Variants in SKAP1 observed in about 807,000 individuals in gnomAD.
SKAP1 encodes the protein src kinase-associated phosphoprotein 1.
SKAP1 carries 44 observed loss-of-function variants against 58.5 expected under a neutral mutation model. The observed-to-expected ratio is 0.75, with a 90% CI of 0.59 to 0.97. SKAP1 has a LOEUF of 0.97. Among genes scored for constraint, SKAP1 ranks in the 50% least tolerant of loss-of-function variants. SKAP1 has a pLI of 0.00. For synonymous variants in SKAP1, 127 were observed against 149.7 expected, an observed-to-expected ratio of 0.85 and a Z score of 1.11; for missense variants, 390 against 435.2, an observed-to-expected ratio of 0.90 and a Z score of 0.92.
At chr17:48,247,466 C>T (rs2065309430) in intron 4 of SKAP1, among the ~76,000 whole-genome samples, 1 of 152,158 alleles carries the variant, frequency 6.6e-6, no homozygotes, top group South Asian at 2.1e-4. Context: ...TTGTTTCCTT[C>T]TATCCAATAC....
chr17:48,245,320 C>A (rs2065284157), intron 4 of SKAP1, among the ~76,000 whole-genome samples: 1 of 152,070 alleles, frequency 6.6e-6, no homozygotes, highest in African/African-American at 2.4e-5. Context: ...GTAAAAGCAT[C>A]ATTTTAAGGA....
At chr17:48,413,617 C>T (rs987676710) in intron 1 of SKAP1, among the ~76,000 whole-genome samples, 1 of 149,936 alleles carries the variant, frequency 6.7e-6, no homozygotes, top group Non-Finnish European at 1.5e-5. Flanking sequence ...CCTCAGAACA[C>T]ACTACTCACC....
At chr17:48,183,012 C>G (rs916756664) in intron 7 of SKAP1, among the ~76,000 whole-genome samples, 13 of 152,102 alleles carry the variant, frequency 8.5e-5, no homozygotes, top group African/African-American at 2.9e-4. Context: ...TACGGGGAAG[C>G]CTGGCAGATC....
intron 10 of SKAP1, among the ~76,000 whole-genome samples, chr17:48,164,599 A>G (rs954038327): frequency 1.3e-5 from 2 of 152,254 alleles, no homozygotes; most frequent in Non-Finnish European, 2.9e-5. Context: ...AGAAGCTAGG[A>G]GAAAAACAGA....
chr17:48,378,521 G>C (rs182705060), intron 2 of SKAP1, among the ~76,000 whole-genome samples: 139 of 152,154 alleles, frequency 9.1e-4, no homozygotes, highest in African/African-American at 3.3e-3. Flanking sequence ...TCATTCTCCT[G>C]CTTGAAATCC....
At position 48,409,009 on chromosome 17, in the gene SKAP1, A is replaced by G. The variant is rs1025576447; in HGVS notation, c.47-12224T>C. ...TGATGGGTTTTCCACTAAGTGACCA[A>G]CCTTTTTAAAATAAAATCTTTCCTA... On this transcript the variant is annotated intron_variant, in intron 1 of 12. Transcript: ENST00000336915. 7.4e-4 allele frequency among the ~76,000 whole-genome samples: 112 copies of G among 152,154 alleles called. 5 individuals carry two copies. The highest frequency in any genetic ancestry group is 7.3e-3 in the Admixed American group (112 of 15,274).
chr17:48,299,036 T>C (rs928874109), intron 4 of SKAP1, among the ~76,000 whole-genome samples: 4 of 152,218 alleles, frequency 2.6e-5, no homozygotes, highest in Non-Finnish European at 4.4e-5. Context: ...CATTCGTATT[T>C]ATAATTTATA....
chr17:48,337,201 T>C (rs2066584442), intron 4 of SKAP1, among the ~76,000 whole-genome samples: 1 of 152,186 alleles, frequency 6.6e-6, no homozygotes, highest in Non-Finnish European at 1.5e-5. Context: ...AAAAAGGCTG[T>C]CACTCAAAGT....
chr17:48,415,911 G>T (rs1160079562), intron 1 of SKAP1, among the ~76,000 whole-genome samples: 1 of 152,146 alleles, frequency 6.6e-6, no homozygotes, highest in African/African-American at 2.4e-5. Context: ...GCAAGTAGAA[G>T]GGGGAGATAT....
At chr17:48,317,311 G>T (rs780766660) in intron 4 of SKAP1, among the ~76,000 whole-genome samples, 1 of 152,196 alleles carries the variant, frequency 6.6e-6, no homozygotes, top group African/African-American at 2.4e-5. Context: ...AAACTTAAAT[G>T]ATGATCAGTT....
At chr17:48,431,521 A>G (rs1180997877), upstream of SKAP1, among the ~76,000 whole-genome samples, 3 of 152,158 alleles carry the variant, frequency 2.0e-5, no homozygotes, top group African/African-American at 7.2e-5. Flanking sequence ...TTGTAGAAAG[A>G]CTATGGTTGT....
intron 4 of SKAP1, among the ~76,000 whole-genome samples, chr17:48,194,217 T>G (rs1376510651): frequency 1.3e-5 from 2 of 152,184 alleles, no homozygotes; most frequent in East Asian, 3.8e-4. Context: ...CCAGAAGTGA[T>G]GGCCACCCAA....
the SKAP1 span, among the ~76,000 whole-genome samples, chr17:48,444,587 A>C: frequency 6.6e-6 from 1 of 152,162 alleles, no homozygotes; most frequent in Non-Finnish European, 1.5e-5. Context: ...CCCTTGTTCA[A>C]GGGCTTTCTC....
rs2067408981 is a variant in SKAP1, at chr17:48,395,665, C to T, written c.152+1015G>A. Among the ~76,000 whole-genome samples, 3 of 152,154 alleles carry T rather than the reference C, an allele frequency of 2.0e-5. No individual in the cohort carries two copies. The South Asian group carries it at 6.2e-4, about 32-fold the overall frequency. Reference sequence around the variant, plus strand: ...TCAAAAAACTCCCATCTTTTGCATTCTGTTTGTTTCAATTATTCAGGGCAA... The same window carrying T: ...TCAAAAAACTCCCATCTTTTGCATTTTGTTTGTTTCAATTATTCAGGGCAA... On this transcript the variant is annotated intron_variant, in intron 2 of 12. Transcript: ENST00000336915.
At chr17:48,309,724 T>A (rs1166750920) in intron 4 of SKAP1, among the ~76,000 whole-genome samples, 2 of 152,206 alleles carry the variant, frequency 1.3e-5, no homozygotes, top group African/African-American at 4.8e-5. Context: ...ATGACATTTT[T>A]AAATACCTGC....
At chr17:48,381,556 T>C (rs1221329293) in intron 2 of SKAP1, among the ~76,000 whole-genome samples, 1 of 152,212 alleles carries the variant, frequency 6.6e-6, no homozygotes, top group Non-Finnish European at 1.5e-5. Flanking sequence ...ATGTGCAGTG[T>C]TTTGTATACC....
At chr17:48,223,198 C>T (rs2065025941) in intron 4 of SKAP1, among the ~76,000 whole-genome samples, 1 of 151,742 alleles carries the variant, frequency 6.6e-6, no homozygotes, top group African/African-American at 2.4e-5. Flanking sequence ...CTAAAAACTG[C>T]TGATTCTCAC....
At chr17:48,437,574 C>A in the SKAP1 span, among the ~76,000 whole-genome samples, 1 of 151,820 alleles carries the variant, frequency 6.6e-6, no homozygotes, top group African/African-American at 2.4e-5. Flanking sequence ...GAAATCCCAT[C>A]TCTACAAAAA....
intron 4 of SKAP1, among the ~76,000 whole-genome samples, chr17:48,190,555 C>T (rs922487439): frequency 6.6e-6 from 1 of 151,978 alleles, no homozygotes; most frequent in Non-Finnish European, 1.5e-5. Context: ...TAAGAGGGAG[C>T]AATAAATACA....
Sources: allele counts gnomAD v4.1 joint callset (sites outside exome capture counted in the v4.1 genomes callset), GRCh38; gene constraint gnomAD v4.1.1; transcripts MANE v1.5; gene names NCBI Gene and HGNC (gene_info 2026-07-23, HGNC 2026-07-21).